SLC35F4: variants seen among roughly 807,000 people sequenced by gnomAD.
The protein encoded by SLC35F4 is chromosome 14 open reading frame 36.
A neutral mutation model predicts 44.2 loss-of-function variants in SLC35F4; 24 were observed. The ratio of observed to expected loss-of-function variants is 0.54; its 90% CI spans 0.39 to 0.76. The LOEUF is 0.76. SLC35F4 is among the 30% of genes least tolerant of loss of function. The pLI is 0.00. For synonymous variants in SLC35F4, 238 were observed against 223.6 expected (o/e 1.06, Z -0.57); for missense variants, 562 against 586.1 (o/e 0.96, Z 0.42).
At chr14:57,826,169 T>C (rs1883742586) in intron 1 of SLC35F4, among the ~76,000 whole-genome samples, 1 of 151,878 alleles carries the variant, frequency 6.6e-6, no homozygotes, top group African/African-American at 2.4e-5. Context: ...AACAGACAAA[T>C]AGACCAATAG....
At chr14:57,721,923 T>C (rs2076095063) in intron 1 of SLC35F4, among the ~76,000 whole-genome samples, 1 of 152,020 alleles carries the variant, frequency 6.6e-6, no homozygotes, top group Admixed American at 6.6e-5. Flanking sequence ...CAAGATAATG[T>C]TGATTCTCAT....
chr14:57,804,710 A>ATGGG, intron 1 of SLC35F4, among the ~76,000 whole-genome samples: 1 of 152,204 alleles, frequency 6.6e-6, no homozygotes, highest in Admixed American at 6.5e-5. Context: ...ATAGGCACAA[A>ATGGG]CAAAGGTTTC....
intron 3 of SLC35F4, among the ~76,000 whole-genome samples, chr14:57,588,666 A>C (rs150826833): frequency 0.022 from 3,394 of 152,298 alleles, 69 homozygotes; most frequent in South Asian, 0.047. Flanking sequence ...TAGGCAGCAA[A>C]GAGTGGCATC....
At chr14:57,854,625 C>T (rs1261812741) in intron 1 of SLC35F4, among the ~76,000 whole-genome samples, 1 of 152,200 alleles carries the variant, frequency 6.6e-6, no homozygotes, top group Non-Finnish European at 1.5e-5. Context: ...CCTTTCCCTG[C>T]TACCTCTCTC....
At chr14:57,669,147 A>G (rs1474250993) in intron 1 of SLC35F4, among the ~76,000 whole-genome samples, 6 of 152,062 alleles carry the variant, frequency 3.9e-5, no homozygotes, top group Non-Finnish European at 5.9e-5. Flanking sequence ...TTATTGGTGT[A>G]TAAGACTGCT....
chr14:57,879,069 A>G (rs1410409626), intron 1 of SLC35F4, among the ~76,000 whole-genome samples: 1 of 152,170 alleles, frequency 6.6e-6, no homozygotes, highest in Non-Finnish European at 1.5e-5. Flanking sequence ...TCCACTTCTA[A>G]AGAGGAACAT....
At chr14:57,972,262 T>C (rs935332577), downstream of SLC35F4, among the ~76,000 whole-genome samples, 7 of 152,082 alleles carry the variant, frequency 4.6e-5, no homozygotes, top group Non-Finnish European at 1.0e-4. Flanking sequence ...AGGGAGAGTG[T>C]TTAGCTGGGG....
chr14:57,600,472 C>A (rs1272175520), intron 1 of SLC35F4, among the ~76,000 whole-genome samples: 4 of 150,646 alleles, frequency 2.7e-5, no homozygotes, highest in Non-Finnish European at 5.9e-5. Context: ...GTGGGCGGAT[C>A]ACGAGGTCAG....
intron 1 of SLC35F4, among the ~76,000 whole-genome samples, chr14:57,943,642 A>G (rs1889955239): frequency 6.6e-6 from 1 of 152,142 alleles, no homozygotes; most frequent in African/African-American, 2.4e-5. Flanking sequence ...CACCGCCTCC[A>G]CACAACCCAG....
intron 6 of SLC35F4, among the ~76,000 whole-genome samples, chr14:57,567,523 G>T (rs1346980551): frequency 6.6e-6 from 1 of 152,200 alleles, no homozygotes; most frequent in Non-Finnish European, 1.5e-5. Context: ...GGGTCACTTT[G>T]TGCTTGGTAG....
chr14:57,686,125 T>C (rs1003649572), intron 1 of SLC35F4, among the ~76,000 whole-genome samples: 1 of 152,156 alleles, frequency 6.6e-6, no homozygotes, highest in Non-Finnish European at 1.5e-5. Context: ...TACATAATGT[T>C]TAACCATAGT....
At chr14:57,625,462 G>T (rs2662685) in intron 1 of SLC35F4, among the ~76,000 whole-genome samples, 2 of 152,068 alleles carry the variant, frequency 1.3e-5, no homozygotes, top group East Asian at 1.9e-4. Flanking sequence ...TTTATATTTC[G>T]TATGGAATCA....
At chr14:57,601,890 G>A (rs1026904651) in intron 1 of SLC35F4, among the ~76,000 whole-genome samples, 1 of 152,146 alleles carries the variant, frequency 6.6e-6, no homozygotes, top group Non-Finnish European at 1.5e-5. Context: ...TTTTACAGAT[G>A]AGGAAAGAGA....
At chr14:57,756,057 G>A (rs967222888) in intron 1 of SLC35F4, among the ~76,000 whole-genome samples, 1 of 152,184 alleles carries the variant, frequency 6.6e-6, no homozygotes, top group African/African-American at 2.4e-5. Flanking sequence ...GCAGGCAGTT[G>A]CCCTGTTTTC....
chr14:57,735,321 T>A (rs945105373), intron 1 of SLC35F4, among the ~76,000 whole-genome samples: 1 of 152,274 alleles, frequency 6.6e-6, no homozygotes, highest in Non-Finnish European at 1.5e-5. Context: ...GCATAACAAG[T>A]CAGCCCTAAT....
At chr14:57,613,217 T>C (rs569153082) in intron 1 of SLC35F4, among the ~76,000 whole-genome samples, 5 of 152,330 alleles carry the variant, frequency 3.3e-5, no homozygotes, top group Non-Finnish European at 5.9e-5. Flanking sequence ...GTTGGTCTGA[T>C]TAGCAGGTGC....
At chr14:57,681,937 A>C (rs2074917968) in intron 1 of SLC35F4, among the ~76,000 whole-genome samples, 1 of 152,252 alleles carries the variant, frequency 6.6e-6, no homozygotes, top group Admixed American at 6.5e-5. Flanking sequence ...AATCAAAACC[A>C]CAATAAGATA....
intron 1 of SLC35F4, among the ~76,000 whole-genome samples, chr14:57,636,942 C>T (rs2140146655): frequency 6.6e-6 from 1 of 152,208 alleles, no homozygotes; most frequent in East Asian, 1.9e-4. Context: ...AGAAAAATTA[C>T]ATCTGCCAAC....
intron 1 of SLC35F4, among the ~76,000 whole-genome samples, chr14:57,814,820 G>A (rs917500549): frequency 6.6e-6 from 1 of 152,166 alleles, no homozygotes; most frequent in Non-Finnish European, 1.5e-5. Context: ...AATTAAATGA[G>A]ACTGCATTTT....
Sources: allele counts gnomAD v4.1 joint callset (sites outside exome capture counted in the v4.1 genomes callset), GRCh38; gene constraint gnomAD v4.1.1; transcripts MANE v1.5; gene names NCBI Gene and HGNC (gene_info 2026-07-23, HGNC 2026-07-21).